MTA1: variants seen among roughly 807,000 people sequenced by gnomAD.
The protein encoded by MTA1 is metastasis associated 1.
A neutral mutation model predicts 97.0 loss-of-function variants in MTA1; 15 were observed. That is an observed-to-expected ratio of 0.15 (90% CI 0.10 to 0.24). The LOEUF is 0.24. Ranked by LOEUF, MTA1 falls within the 10% of genes least tolerant of loss-of-function variation. MTA1 has a pLI of 1.00. For synonymous variants in MTA1, 435 were observed against 417.5 expected, an observed-to-expected ratio of 1.04 and a Z score of -0.51; for missense variants, 709 against 1,015.1, an observed-to-expected ratio of 0.70 and a Z score of 4.10.
chr14:105,446,089 G>A (rs1243486251), intron 3 of MTA1, among the ~76,000 whole-genome samples: 1 of 152,110 alleles, frequency 6.6e-6, no homozygotes, highest in Non-Finnish European at 1.5e-5. Flanking sequence ...CTTCTCCCCC[G>A]GGAACAGGTG....
At position 105,420,094 on chromosome 14, in the gene MTA1, C is replaced by T. The variant is rs1555420469; in HGVS notation, c.28+31C>T. 3 of 1,029,586 alleles carry T rather than the reference C, an allele frequency of 2.9e-6. No individual in the cohort carries two copies. The South Asian group carries it at 1.1e-4, about 38-fold the overall frequency. 63.8% of individuals were successfully genotyped at this position (1,029,586 alleles called of 1,614,324 possible). On this transcript the variant is annotated intron_variant, in intron 1 of 20. Coordinates refer to ENST00000331320, the MANE Select transcript of MTA1 (RefSeq NM_004689.4). The surrounding 1 kb of genome is among the most constrained non-coding windows in gnomAD (Gnocchi z 5.3). The stretch of plus-strand genomic sequence containing the variant: ...GCCGCACCGCCTTTATGCCCGGCCC[C>T]GACCCGCCCGCAGCCCCCACCCGCC...
chr14:105,433,557 T>C (rs1227317300), intron 1 of MTA1, among the ~76,000 whole-genome samples: 3 of 152,122 alleles, frequency 2.0e-5, no homozygotes, highest in Non-Finnish European at 4.4e-5. Context: ...AATCCAAGCC[T>C]GCTGAGCTGG....
In MTA1 at chr14:105,469,638, T is replaced by G; in HGVS notation, c.1845+140T>G. 5 of 1,214,896 alleles carry G rather than the reference T, an allele frequency of 4.1e-6. No homozygotes were observed. In the South Asian group the frequency reaches 6.8e-5, roughly 17 times the overall value. The allele number at this position is 1,214,896 out of a possible 1,614,324, so 75.3% of individuals were successfully genotyped here. ...TGGCAAGACCAGAGGGGCTGCAGCA[T>G]GTGGGGGCCATGGCCCCTGTGCCAG... On this transcript the variant is annotated intron_variant, in intron 19 of 20. Coordinates refer to ENST00000331320, the MANE Select transcript of MTA1 (RefSeq NM_004689.4).
At chr14:105,449,432 A>T (rs2082837394) in intron 4 of MTA1, 23 bp downstream of exon 4, 1 of 1,608,330 alleles carries the variant, frequency 6.2e-7, no homozygotes, top group African/African-American at 1.3e-5. Flanking sequence ...CTCCGCAAGG[A>T]GGGCGTCCTC....
intron 1 of MTA1, among the ~76,000 whole-genome samples, chr14:105,430,479 A>G (rs587624457): frequency 5.3e-5 from 8 of 152,340 alleles, no homozygotes; most frequent in South Asian, 4.1e-4. Flanking sequence ...CATCACAGAT[A>G]GAATCATGGT....
Position 105,464,054 on chromosome 14 carries a change from A to ATCAGCGTCAACAACATCAAGGCCGGTG in MTA1, c.1113_1114insATCAAGGCCGGTGTCAGCGTCAACAAC (p.Asn371_Val372insIleLysAlaGlyValSerValAsnAsn). On this transcript the variant is annotated inframe_insertion, in exon 13 of 21. Transcript: ENST00000331320. Reference sequence around the variant, plus strand: ...AAGTAACAAGCCAAATCCGAACCAAATCAGCGTCAACAACGTCAAGGCCGG... The same window carrying ATCAGCGTCAACAACATCAAGGCCGGTG: ...AAGTAACAAGCCAAATCCGAACCAAATCAGCGTCAACAACATCAAGGCCGGTGTCAGCGTCAACAACGTCAAGGCCGG... 1 of 1,612,414 alleles carries ATCAGCGTCAACAACATCAAGGCCGGTG rather than the reference A, an allele frequency of 6.2e-7. No individual in the cohort carries two copies. Among genetic ancestry groups the ATCAGCGTCAACAACATCAAGGCCGGTG allele is most frequent in the South Asian group, 1.1e-5 (1 of 91,042 alleles).
intron 1 of MTA1, among the ~76,000 whole-genome samples, chr14:105,436,827 A>T (rs904160432): frequency 2.6e-5 from 4 of 152,220 alleles, no homozygotes; most frequent in African/African-American, 9.6e-5. Flanking sequence ...TTTAAAAAAA[A>T]GTTTGAGATA....
intron 1 of MTA1, among the ~76,000 whole-genome samples, chr14:105,430,920 G>T (rs1555423201): frequency 5.3e-5 from 8 of 152,200 alleles, no homozygotes. Context: ...CAGTTATTAT[G>T]TGGCTGCTTT....
At chr14:105,461,626 C>T (rs2083350363) in intron 10 of MTA1, among the ~76,000 whole-genome samples, 3 of 152,226 alleles carry the variant, frequency 2.0e-5, no homozygotes, top group Admixed American at 2.0e-4. Flanking sequence ...GATGAAAGCA[C>T]CATCCGGGCA....
chr14:105,464,279 G>T (rs1489758855), intron 13 of MTA1, 132 bp downstream of exon 13: 3 of 1,407,882 alleles, frequency 2.1e-6, no homozygotes, highest in East Asian at 2.4e-5. Flanking sequence ...CGTCCCAGGG[G>T]TGTGGTTGGG....
Position 105,470,217 on chromosome 14 carries a change from G to A in MTA1, c.*2G>A, listed in dbSNP as rs1415101631. 5.7e-6 allele frequency: 9 copies of A among 1,572,804 alleles called. No individual in the cohort carries two copies. Among genetic ancestry groups the A allele is most frequent in the Non-Finnish European group, 7.7e-6 (9 of 1,163,126 alleles). On this transcript the variant is annotated 3_prime_UTR_variant, in exon 21 of 21. Coordinates refer to ENST00000331320, the MANE Select transcript of MTA1 (RefSeq NM_004689.4). ...GAGCCCATCGTCATCGAGGACTAGG[G>A]GCCGCCCCCACCTGCGGCCGCCCCC...
chr14:105,466,430 C>T lies in MTA1; in HGVS notation c.1629C>T (p.Thr543=). 7.1e-6 allele frequency: 6 copies of T among 842,282 alleles called. No individual in the cohort carries two copies. Among genetic ancestry groups the T allele is most frequent in the African/African-American group, 1.7e-5 (1 of 58,642 alleles). 52.2% of individuals were successfully genotyped at this position (842,282 alleles called of 1,614,324 possible). ...TGCCTGTGTCATTCCCGGCAGAGAC[C>T]CACCCCCGCCCCCCCAAGCCTGACC... ...PLEAVLRYLE[T]HPRPPKPDPV... Residue 543 remains threonine (T), a synonymous_variant, in exon 17 of 21, where the codon ACC becomes ACT. Transcript: ENST00000331320.
In MTA1 at chr14:105,463,147, C is replaced by T. The variant is rs1200774409; in HGVS notation, c.943-37C>T. 6 of 1,602,256 alleles carry T rather than the reference C, an allele frequency of 3.7e-6. No individual in the cohort carries two copies. The highest frequency in any genetic ancestry group is 3.3e-5 in the Admixed American group (2 of 59,876). On this transcript the variant is annotated intron_variant, in intron 10 of 20. Transcript: ENST00000331320. The surrounding 1 kb of genome is among the most constrained non-coding windows in gnomAD (Gnocchi z 5.9). ...CCTGCATGGTGTGCCTGCCTCCTGC[C>T]CCTTCCTGCTTGTGTGACACGCCTC...
At chr14:105,444,426 G>A (rs2082646943) in intron 2 of MTA1, among the ~76,000 whole-genome samples, 1 of 151,998 alleles carries the variant, frequency 6.6e-6, no homozygotes, top group African/African-American at 2.4e-5. Context: ...GGAGATGGAG[G>A]CTGCAGTGAC....
intron 6 of MTA1, among the ~76,000 whole-genome samples, chr14:105,453,760 G>T (rs1253802284): frequency 1.3e-5 from 2 of 152,164 alleles, no homozygotes; most frequent in Non-Finnish European, 2.9e-5. Context: ...GCAGTGAGCC[G>T]AGATCACGCC....
chr14:105,454,294 C>T lies in MTA1; in HGVS notation c.534C>T (p.Thr178=), dbSNP rs111868940. Residue 178 remains threonine (T), a synonymous_variant, in exon 7 of 21, where the codon ACC becomes ACT. Transcript: ENST00000331320. The part of the protein sequence containing the change: ...RVGNRYQADI[T]DLLKEGEEDG... ...GAAACCGGTACCAGGCAGACATCACCGACTTGTTAAAAGAAGGTAGGGTGG... is the reference window on the plus strand; with the variant it reads ...GAAACCGGTACCAGGCAGACATCACTGACTTGTTAAAAGAAGGTAGGGTGG... 3.0e-5 allele frequency: 48 copies of T among 1,612,964 alleles called. No individual in the cohort carries two copies. The highest frequency in any genetic ancestry group is 3.3e-4 in the Middle Eastern group (2 of 6,074).
At chr14:105,451,049 G>A (rs587748324) in intron 6 of MTA1, among the ~76,000 whole-genome samples, 10 of 152,242 alleles carry the variant, frequency 6.6e-5, no homozygotes, top group Admixed American at 5.2e-4. Context: ...GGCCTCCCAC[G>A]GGCTCTGCTG....
intron 19 of MTA1, 47 bp downstream of exon 19, chr14:105,469,545 C>T (rs1220036066): frequency 6.3e-7 from 1 of 1,599,480 alleles, no homozygotes; most frequent in African/African-American, 1.3e-5. Flanking sequence ...CACCCATGAG[C>T]TCTCTGGGGT....
At chr14:105,465,045 G>A (rs782812005) in intron 15 of MTA1, 49 bp from the exon 16 acceptor site, 91 of 1,465,744 alleles carry the variant, frequency 6.2e-5, no homozygotes, top group African/African-American at 3.4e-4. Flanking sequence ...GCAGGGTCCC[G>A]TGCTCCCCTG....
Sources: gnomAD v4.1 joint callset for allele counts (sites outside exome capture counted in the v4.1 genomes callset) on GRCh38, gnomAD v4.1.1 for gene constraint, Gnocchi (gnomAD v3.1) non-coding constraint, MANE v1.5 for transcripts, NCBI Gene and HGNC (gene_info 2026-07-23, HGNC 2026-07-21) for gene names.